The following CSMD1 variants were observed in gnomAD, a reference collection of about 807,000 sequenced individuals.
CSMD1 encodes the protein CUB and sushi domain-containing protein 1.
CSMD1 carries 213 observed loss-of-function variants against 417.5 expected under a neutral mutation model. That is an observed-to-expected ratio of 0.51 (90% confidence interval 0.46 to 0.57). The LOEUF (loss-of-function observed/expected upper bound fraction) is 0.57. CSMD1 is among the 20% of genes least tolerant of loss of function. CSMD1 has a pLI of 0.00. For missense variants in CSMD1, 6,923 were observed against 4,529.7 expected, an observed-to-expected ratio of 1.53 and a Z score of -15.17; for synonymous variants, 2,862 against 1,736.8, an observed-to-expected ratio of 1.65 and a Z score of -16.11.
At chr8:3,149,972 T>C (rs1030941534) in intron 40 of CSMD1, among the ~76,000 whole-genome samples, 1 of 152,098 alleles carries the variant, frequency 6.6e-6, no homozygotes, top group Admixed American at 6.5e-5. Context: ...CTATCCCGGG[T>C]TACACATACC....
At chr8:4,264,329 G>C (rs747041115) in intron 3 of CSMD1, among the ~76,000 whole-genome samples, 5 of 152,062 alleles carry the variant, frequency 3.3e-5, no homozygotes, top group African/African-American at 4.8e-5. Context: ...CAATTTTCAG[G>C]AAAAATACTC....
At chr8:4,840,844 C>T (rs1234655131) in intron 1 of CSMD1, among the ~76,000 whole-genome samples, 1 of 152,148 alleles carries the variant, frequency 6.6e-6, no homozygotes, top group Non-Finnish European at 1.5e-5. Flanking sequence ...TAATCATTAC[C>T]ACTATTAATA....
At chr8:4,138,641 A>T (rs1269871147) in intron 3 of CSMD1, among the ~76,000 whole-genome samples, 7 of 151,946 alleles carry the variant, frequency 4.6e-5, no homozygotes, top group Non-Finnish European at 1.0e-4. Flanking sequence ...AACATCTCTT[A>T]AGGTTGACTT....
chr8:4,439,981 C>G (rs1049977220), intron 2 of CSMD1, among the ~76,000 whole-genome samples: 1 of 152,146 alleles, frequency 6.6e-6, no homozygotes, highest in Admixed American at 6.5e-5. Context: ...GCACACTTCA[C>G]CAGCCTAGAC....
intron 3 of CSMD1, among the ~76,000 whole-genome samples, chr8:4,348,567 G>A (rs958959417): frequency 2.1e-5 from 3 of 144,938 alleles, no homozygotes; most frequent in Non-Finnish European, 4.5e-5. Flanking sequence ...GCACATGTGT[G>A]CATCTGTGTG....
intron 31 of CSMD1, among the ~76,000 whole-genome samples, chr8:3,203,670 C>T (rs572079545): frequency 6.6e-6 from 1 of 152,156 alleles, no homozygotes; most frequent in Admixed American, 6.5e-5. Flanking sequence ...ATCTCAAAGG[C>T]CACCCTGAAA....
chr8:4,902,746 T>C (rs979441871), intron 1 of CSMD1, among the ~76,000 whole-genome samples: 1 of 151,998 alleles, frequency 6.6e-6, no homozygotes, highest in African/African-American at 2.4e-5. Flanking sequence ...AAAATGTGTC[T>C]CCCTCTGGCC....
At chr8:3,891,728 C>T (rs1806986726) in intron 5 of CSMD1, among the ~76,000 whole-genome samples, 1 of 152,028 alleles carries the variant, frequency 6.6e-6, no homozygotes, top group Admixed American at 6.6e-5. Flanking sequence ...CACTAGTCTC[C>T]CAGGCAGTAT....
At chr8:4,173,507 G>C (rs1320682412) in intron 3 of CSMD1, among the ~76,000 whole-genome samples, 2 of 152,150 alleles carry the variant, frequency 1.3e-5, no homozygotes, top group Non-Finnish European at 1.5e-5. Context: ...GCTCTCGGTA[G>C]ATGGGGATAA....
intron 10 of CSMD1, among the ~76,000 whole-genome samples, chr8:3,552,064 T>C (rs12056920): frequency 1.4e-4 from 21 of 152,298 alleles, no homozygotes; most frequent in Non-Finnish European, 1.9e-4. Context: ...ATGTTCTGTA[T>C]TGTGAAAACA....
intron 5 of CSMD1, among the ~76,000 whole-genome samples, chr8:3,893,869 C>A (rs746399043): frequency 6.6e-6 from 1 of 152,020 alleles, no homozygotes; most frequent in East Asian, 1.9e-4. Context: ...AAAAACACAC[C>A]CCTGGTTGGA....
chr8:3,100,422 G>A (rs1585347963), intron 46 of CSMD1, among the ~76,000 whole-genome samples: 1 of 152,200 alleles, frequency 6.6e-6, no homozygotes, highest in Non-Finnish European at 1.5e-5. Flanking sequence ...TCTCCTCAGT[G>A]TTATAAACTG....
intron 3 of CSMD1, among the ~76,000 whole-genome samples, chr8:4,283,859 G>A (rs553418234): frequency 1.3e-5 from 2 of 152,252 alleles, no homozygotes; most frequent in African/African-American, 2.4e-5. Flanking sequence ...AGTTTCATGT[G>A]CTGACCTCCA....
chr8:3,983,407 G>T (rs372618267), intron 5 of CSMD1, among the ~76,000 whole-genome samples: 2 of 151,982 alleles, frequency 1.3e-5, no homozygotes. Flanking sequence ...TGGGATTACA[G>T]GCGTGAGCCA....
intron 10 of CSMD1, among the ~76,000 whole-genome samples, chr8:3,498,855 T>C (rs923926313): frequency 6.6e-6 from 1 of 152,196 alleles, no homozygotes; most frequent in African/African-American, 2.4e-5. Flanking sequence ...GTTCTTTTTG[T>C]GTAATATCTC....
chr8:3,097,124 C>A, intron 46 of CSMD1, 87 bp from the exon 47 acceptor site: 3 of 1,107,232 alleles, frequency 2.7e-6, no homozygotes, highest in Admixed American at 3.2e-5. Context: ...ATAAACAAGT[C>A]AATGAAAGGA....
intron 2 of CSMD1, among the ~76,000 whole-genome samples, chr8:4,421,823 A>T (rs567577258): frequency 6.6e-6 from 1 of 152,106 alleles, no homozygotes; most frequent in East Asian, 1.9e-4. Flanking sequence ...AAAAACAAGA[A>T]AAGTACAGAA....
chr8:4,753,055 T>C (rs927405460), intron 1 of CSMD1, among the ~76,000 whole-genome samples: 1 of 152,198 alleles, frequency 6.6e-6, no homozygotes, highest in Non-Finnish European at 1.5e-5. Context: ...CATATTACTT[T>C]ATCTCATTTA....
At chr8:3,846,390 G>C (rs1421784888) in intron 5 of CSMD1, among the ~76,000 whole-genome samples, 1 of 152,130 alleles carries the variant, frequency 6.6e-6, no homozygotes, top group Non-Finnish European at 1.5e-5. Flanking sequence ...GACTCTACAT[G>C]TGAAATAGAT....
Sources: gnomAD v4.1 joint callset for allele counts (sites outside exome capture counted in the v4.1 genomes callset) on GRCh38, gnomAD v4.1.1 for gene constraint, MANE v1.5 for transcripts, NCBI Gene and HGNC (gene_info 2026-07-23, HGNC 2026-07-21) for gene names.